Variants in LHFPL2 observed in about 807,000 individuals in gnomAD.
The protein encoded by LHFPL2 is LHFPL tetraspan subfamily member 2, also known as LHFPL tetraspan subfamily member 2 protein.
A neutral mutation model predicts 17.5 loss-of-function variants in LHFPL2; 7 were observed. The ratio of observed to expected loss-of-function variants is 0.40; its 90% CI spans 0.23 to 0.75. The LOEUF is 0.75. LHFPL2 is among the 30% of genes least tolerant of loss of function. The pLI is 0.37. For synonymous variants in LHFPL2, 134 were observed against 116.2 expected (o/e 1.15, Z -0.99); for missense variants, 241 against 294.8 (o/e 0.82, Z 1.34).
chr5:78,643,278 AG>A (rs1407635833), intron 1 of LHFPL2, among the ~76,000 whole-genome samples: 4 of 152,192 alleles, frequency 2.6e-5, no homozygotes, highest in African/African-American at 9.6e-5. Context: ...TGAAAAAAAA[AG>A]AAAAAACAAA....
At chr5:78,639,175 CA>C (rs1745572984) in intron 1 of LHFPL2, among the ~76,000 whole-genome samples, 2 of 152,050 alleles carry the variant, frequency 1.3e-5, no homozygotes, top group African/African-American at 4.8e-5. Context: ...CCACCACCAC[CA>C]TTGGGGTTCT....
At chr5:78,543,860 A>G (rs139346151) in intron 3 of LHFPL2, among the ~76,000 whole-genome samples, 74 of 152,374 alleles carry the variant, frequency 4.9e-4, no homozygotes, top group Non-Finnish European at 6.3e-4. Flanking sequence ...CTAAAGGCAG[A>G]GAAGATGACT....
intron 2 of LHFPL2, among the ~76,000 whole-genome samples, chr5:78,588,905 A>G (rs1743527339): frequency 1.3e-5 from 2 of 152,226 alleles, no homozygotes; most frequent in Admixed American, 6.5e-5. Context: ...CCCTTTCAAA[A>G]TAACTTACCT....
At chr5:78,621,941 G>C (rs1438779423) in intron 2 of LHFPL2, among the ~76,000 whole-genome samples, 1 of 152,008 alleles carries the variant, frequency 6.6e-6, no homozygotes, top group African/African-American at 2.4e-5. Flanking sequence ...CACCAAGAAT[G>C]GTCCTCACTA....
At chr5:78,534,712 C>T (rs1755892691) in intron 3 of LHFPL2, among the ~76,000 whole-genome samples, 1 of 152,214 alleles carries the variant, frequency 6.6e-6, no homozygotes, top group Non-Finnish European at 1.5e-5. Context: ...GGCCCAGGGC[C>T]TTCTCAGCCC....
chr5:78,591,286 C>T (rs1258795500), intron 2 of LHFPL2, among the ~76,000 whole-genome samples: 1 of 152,130 alleles, frequency 6.6e-6, no homozygotes, highest in African/African-American at 2.4e-5. Flanking sequence ...ATTCAAAGAA[C>T]GGGGGAAGCA....
At position 78,572,460 on chromosome 5, in the gene LHFPL2, G is replaced by T. The variant is rs1167866257; in HGVS notation, c.-244-7589C>A. Among the ~76,000 whole-genome samples, 3 of 140,876 alleles carry T rather than the reference G, an allele frequency of 2.1e-5. No individual in the cohort carries two copies. In the East Asian group the frequency reaches 5.9e-4, roughly 28 times the overall value. The allele number at this position is 140,876 out of a possible 152,430, so 92.4% of individuals were successfully genotyped here. A position where few individuals can be genotyped will look rare whatever the true frequency, so the allele number is the denominator to read the frequency against. The stretch of plus-strand genomic sequence containing the variant: ...TATGTATGTGTATATATATGTATGT[G>T]TATATACATGTGTATATATATGTGT... On this transcript the variant is annotated intron_variant, in intron 2 of 4. Coordinates refer to ENST00000380345, the MANE Select transcript of LHFPL2 (RefSeq NM_005779.3).
Position 78,518,353 on chromosome 5 carries a change from G to A in LHFPL2, c.-185-7955C>T, listed in dbSNP as rs115405216. On this transcript the variant is annotated intron_variant, in intron 3 of 4. Transcript: ENST00000380345. ...GGAGGCCGAGGCGGGCAGATCACCT[G>A]CGGTCAGGGATCAAGGTACGCAGCG... 6.0e-3 allele frequency among the ~76,000 whole-genome samples: 913 copies of A among 152,320 alleles called. 8 individuals carry two copies. The highest frequency in any genetic ancestry group is 0.021 in the African/African-American group (872 of 41,572).
At chr5:78,623,683 A>T (rs1191890172) in intron 2 of LHFPL2, among the ~76,000 whole-genome samples, 1 of 152,230 alleles carries the variant, frequency 6.6e-6, no homozygotes, top group Non-Finnish European at 1.5e-5. Flanking sequence ...AAGAATCCTG[A>T]AGAGAATAAT....
intron 2 of LHFPL2, among the ~76,000 whole-genome samples, chr5:78,577,983 C>G (rs144793702): frequency 1.3e-5 from 2 of 152,096 alleles, no homozygotes; most frequent in Non-Finnish European, 2.9e-5. Flanking sequence ...AAATGTTATC[C>G]TAATGAAAAC....
intron 2 of LHFPL2, among the ~76,000 whole-genome samples, chr5:78,613,342 T>G (rs1744480867): frequency 3.9e-5 from 6 of 152,168 alleles, no homozygotes; most frequent in Admixed American, 3.9e-4. Flanking sequence ...CAACCAGAAG[T>G]GACCAGGCAA....
intron 2 of LHFPL2, among the ~76,000 whole-genome samples, chr5:78,608,289 T>A (rs1257557917): frequency 6.6e-6 from 1 of 152,206 alleles, no homozygotes; most frequent in Non-Finnish European, 1.5e-5. Context: ...CTTATCAAAT[T>A]ACAAAACAGT....
intron 4 of LHFPL2, among the ~76,000 whole-genome samples, chr5:78,509,083 G>A (rs1046983432): frequency 1.3e-5 from 2 of 152,190 alleles, no homozygotes; most frequent in African/African-American, 4.8e-5. Context: ...TGGGACCACT[G>A]TAAAGAGCTC....
At chr5:78,567,051 T>A (rs1756877937) in intron 2 of LHFPL2, among the ~76,000 whole-genome samples, 3 of 152,218 alleles carry the variant, frequency 2.0e-5, no homozygotes, top group Non-Finnish European at 1.5e-5. Flanking sequence ...CTCCTTTTTT[T>A]ACATATAAAC....
chr5:78,502,448 G>A (rs1225134152), intron 4 of LHFPL2, among the ~76,000 whole-genome samples: 1 of 152,220 alleles, frequency 6.6e-6, no homozygotes, highest in Non-Finnish European at 1.5e-5. Flanking sequence ...AACCTAGCCA[G>A]ATGATTCCTT....
Position 78,487,739 on chromosome 5 carries a change from T to C in LHFPL2, c.*1158A>G, listed in dbSNP as rs1343183280. The C allele has an allele frequency of 6.6e-6, 1 of 152,224 alleles. No individual in the cohort carries two copies. The highest frequency in any genetic ancestry group is 1.5e-5 in the Non-Finnish European group (1 of 68,040). The allele number at this position is 152,224 out of a possible 1,614,324, so 9.4% of individuals were successfully genotyped here. A position where few individuals can be genotyped will look rare whatever the true frequency, so the allele number is the denominator to read the frequency against. On this transcript the variant is annotated 3_prime_UTR_variant, in exon 5 of 5. Transcript: ENST00000380345. ...CCTTGATCTAGCGCCTCTTTTTGAA[T>C]TAACTTTGTCCTCTGTGCTTTCCTG...
chr5:78,533,130 G>A (rs1422921075), intron 3 of LHFPL2, among the ~76,000 whole-genome samples: 1 of 152,094 alleles, frequency 6.6e-6, no homozygotes, highest in Non-Finnish European at 1.5e-5. Flanking sequence ...GCTCTACGGG[G>A]GTGAAAACTA....
chr5:78,564,670 T>C (rs1756813632), intron 3 of LHFPL2, 143 bp downstream of exon 3: 1 of 152,228 alleles, frequency 6.6e-6, no homozygotes, highest in African/African-American at 2.4e-5. Context: ...CCAAGTGATG[T>C]TTCTAGCCTT....
At chr5:78,592,605 T>A (rs1291915875) in intron 2 of LHFPL2, among the ~76,000 whole-genome samples, 1 of 144,116 alleles carries the variant, frequency 6.9e-6, no homozygotes, top group Non-Finnish European at 1.5e-5. Flanking sequence ...CTCTTCAACT[T>A]AGTGAAAAAT....
Sources: allele counts gnomAD v4.1 joint callset (sites outside exome capture counted in the v4.1 genomes callset), GRCh38; gene constraint gnomAD v4.1.1; transcripts MANE v1.5; gene names NCBI Gene and HGNC (gene_info 2026-07-23, HGNC 2026-07-21).